The following HPSE2 variants were observed in gnomAD, a reference collection of about 807,000 sequenced individuals.
HPSE2 encodes the protein heparanase 2 (inactive), also known as inactive heparanase-2.
A neutral mutation model predicts 60.5 loss-of-function variants in HPSE2; 38 were observed. That is an observed-to-expected ratio of 0.63 (90% CI 0.48 to 0.82). HPSE2 has a LOEUF of 0.82. HPSE2 is among the 40% of genes least tolerant of loss of function. The pLI is 0.00. For missense variants in HPSE2, 713 were observed against 740.4 expected (o/e 0.96, Z 0.43); for synonymous variants, 295 against 293.2 (o/e 1.01, Z -0.06).
chr10:99,216,237 C>T (rs1465981360), intron 2 of HPSE2, among the ~76,000 whole-genome samples: 4 of 148,038 alleles, frequency 2.7e-5, no homozygotes, highest in African/African-American at 5.1e-5. Flanking sequence ...ACTGGTTGCC[C>T]AGGCTGGAGT....
intron 3 of HPSE2, among the ~76,000 whole-genome samples, chr10:99,075,851 T>C (rs1842936584): frequency 6.6e-6 from 1 of 152,236 alleles, no homozygotes; most frequent in Admixed American, 6.5e-5. Flanking sequence ...TCTCTTTTGG[T>C]TACCATTTAC....
chr10:98,976,816 C>T (rs578006632), intron 3 of HPSE2, among the ~76,000 whole-genome samples: 1 of 151,892 alleles, frequency 6.6e-6, no homozygotes, highest in East Asian at 1.9e-4. Context: ...AAAAAATGGG[C>T]TTTGCAGATG....
chr10:98,498,563 A>G (rs971989676), intron 9 of HPSE2, among the ~76,000 whole-genome samples: 2 of 152,140 alleles, frequency 1.3e-5, no homozygotes, highest in African/African-American at 4.8e-5. Flanking sequence ...CCAGAAAACC[A>G]ACTCTGGTGA....
At chr10:98,633,630 T>C (rs1013874170) in intron 7 of HPSE2, among the ~76,000 whole-genome samples, 3 of 152,208 alleles carry the variant, frequency 2.0e-5, no homozygotes, top group African/African-American at 7.2e-5. Flanking sequence ...ATGTTATCAG[T>C]GAGTCTTCTG....
chr10:99,307,209 T>A, the HPSE2 span, among the ~76,000 whole-genome samples: 4 of 152,218 alleles, frequency 2.6e-5, no homozygotes, highest in Admixed American at 6.5e-5. Flanking sequence ...GAAGTTTCAA[T>A]AGCTGGCACT....
intron 9 of HPSE2, among the ~76,000 whole-genome samples, chr10:98,599,003 T>G (rs931097792): frequency 6.6e-6 from 1 of 151,870 alleles, no homozygotes; most frequent in African/African-American, 2.4e-5. Context: ...GGGGCCATCA[T>G]GGAACCTGGG....
At chr10:98,676,913 T>A (rs995981389) in intron 6 of HPSE2, among the ~76,000 whole-genome samples, 2 of 138,116 alleles carry the variant, frequency 1.4e-5, no homozygotes, top group African/African-American at 5.3e-5. Context: ...CTGTTCCATT[T>A]TCTCTCTTTT....
At chr10:99,140,752 C>G (rs1255496551) in intron 3 of HPSE2, among the ~76,000 whole-genome samples, 1 of 152,134 alleles carries the variant, frequency 6.6e-6, no homozygotes, top group East Asian at 1.9e-4. Flanking sequence ...AAAAAGTAGT[C>G]TTCTGGCTGG....
intron 3 of HPSE2, among the ~76,000 whole-genome samples, chr10:98,872,693 C>T (rs1952765779): frequency 6.6e-6 from 1 of 152,078 alleles, no homozygotes; most frequent in Non-Finnish European, 1.5e-5. Flanking sequence ...TTCAATTCAC[C>T]TCTGTCTCTT....
chr10:98,988,382 C>A (rs1956428590), intron 3 of HPSE2, among the ~76,000 whole-genome samples: 1 of 152,294 alleles, frequency 6.6e-6, no homozygotes, highest in South Asian at 2.1e-4. Context: ...CTGAGAAAAA[C>A]AAGCAATCGG....
intron 3 of HPSE2, among the ~76,000 whole-genome samples, chr10:98,756,208 C>A (rs1455407150): frequency 6.6e-6 from 1 of 151,948 alleles, no homozygotes; most frequent in African/African-American, 2.4e-5. Context: ...ACTAAACACC[C>A]ACATGAAAAA....
chr10:98,998,562 T>C (rs7924025), intron 3 of HPSE2, among the ~76,000 whole-genome samples: 24,089 of 152,208 alleles, frequency 0.16, 2,762 homozygotes, highest in African/African-American at 0.32. Flanking sequence ...AGGTTCTCCT[T>C]CATTTAGTTC....
chr10:98,793,214 G>A (rs761693855), intron 3 of HPSE2, among the ~76,000 whole-genome samples: 3 of 152,182 alleles, frequency 2.0e-5, no homozygotes, highest in Non-Finnish European at 2.9e-5. Context: ...TAAGCCTTAT[G>A]CATGTCCTAT....
At chr10:99,105,933 T>C (rs1011228723) in intron 3 of HPSE2, among the ~76,000 whole-genome samples, 6 of 152,148 alleles carry the variant, frequency 3.9e-5, no homozygotes, top group African/African-American at 1.2e-4. Context: ...TAAGCGATTA[T>C]TGCAAACTCT....
rs1244040035 is a variant in HPSE2, at chr10:98,580,836, ATGTG to A, written c.1320+34064_1320+34067del. On this transcript the variant is annotated intron_variant, in intron 9 of 11. Coordinates refer to ENST00000370552, the MANE Select transcript of HPSE2 (RefSeq NM_021828.5). ...GTTGTGCTTGGTTTTATATATATAT[ATGTG>A]TGTGTGTGTGTGTGTGTGTGTGTGA... Among the ~76,000 whole-genome samples, 28 of 119,556 alleles carry A rather than the reference ATGTG, an allele frequency of 2.3e-4. 2 individuals are homozygous for A. The highest frequency in any genetic ancestry group is 8.2e-4 in the African/African-American group (23 of 27,940). 78.4% of individuals were successfully genotyped at this position (119,556 alleles called of 152,430 possible). A position where few individuals can be genotyped will look rare whatever the true frequency, so the allele number is the denominator to read the frequency against.
chr10:99,057,791 G>A (rs1343883894), intron 3 of HPSE2, among the ~76,000 whole-genome samples: 2 of 152,084 alleles, frequency 1.3e-5, no homozygotes, highest in East Asian at 1.9e-4. Context: ...AAAAATACAC[G>A]CATGAATTCT....
At chr10:98,983,646 G>T (rs1956261575) in intron 3 of HPSE2, among the ~76,000 whole-genome samples, 1 of 152,232 alleles carries the variant, frequency 6.6e-6, no homozygotes, top group Admixed American at 6.5e-5. Context: ...GTCTTTTGTG[G>T]CTGGGAAGTA....
chr10:98,526,395 T>C (rs182019362), intron 9 of HPSE2, among the ~76,000 whole-genome samples: 172 of 152,356 alleles, frequency 1.1e-3, no homozygotes, highest in Non-Finnish European at 1.8e-3. Context: ...TTATTAGATG[T>C]ATCAGAGCAA....
At chr10:99,237,456 C>T (rs1363110492), upstream of HPSE2, among the ~76,000 whole-genome samples, 1 of 152,146 alleles carries the variant, frequency 6.6e-6, no homozygotes, top group Non-Finnish European at 1.5e-5. Flanking sequence ...GAATAGATGA[C>T]CTTCAACTGA....
Sources: allele counts gnomAD v4.1 joint callset (sites outside exome capture counted in the v4.1 genomes callset), GRCh38; gene constraint gnomAD v4.1.1; transcripts MANE v1.5; gene names NCBI Gene and HGNC (gene_info 2026-07-23, HGNC 2026-07-21).